The following KIAA1549L variants were observed in gnomAD, a reference collection of about 807,000 sequenced individuals.
KIAA1549L encodes UPF0606 protein KIAA1549L.
Under a neutral mutation model 160.7 loss-of-function variants are expected in KIAA1549L, and 88 were observed. The ratio of observed to expected loss-of-function variants is 0.55; its 90% CI spans 0.46 to 0.65. KIAA1549L has a LOEUF of 0.65. Ranked by LOEUF, KIAA1549L falls within the 30% of genes least tolerant of loss-of-function variation. The pLI is 0.00. For missense variants in KIAA1549L, 2,258 were observed against 2,437.5 expected, an observed-to-expected ratio of 0.93 and a Z score of 1.55; for synonymous variants, 950 against 976.7, an observed-to-expected ratio of 0.97 and a Z score of 0.51.
Position 33,598,828 on chromosome 11 carries a change from C to T in KIAA1549L, c.4760C>T (p.Pro1587Leu). 1 of 1,613,856 alleles carries T rather than the reference C, an allele frequency of 6.2e-7. No homozygotes were observed. Among genetic ancestry groups the T allele is most frequent in the South Asian group, 1.1e-5 (1 of 91,074 alleles). ...KSTETRKSRS[P>L]SENGSVISNE... The stretch of plus-strand genomic sequence containing the variant: ...GCTATGGTTACCTCCAGCAGGTCGC[C>T]CAGTGAGAATGGCTCTGTCATCAGC... The change falls in exon 13 of 21, where the codon CCC becomes CTC. Residue 1587 changes from proline to leucine, a missense_variant. Physicochemically the swap from Pro to Leu is moderately conservative, Grantham distance 98. This residue lies in a region of KIAA1549L where 1,359 missense variants were observed against 1,546.6 expected (regional missense o/e 0.88). Transcript: ENST00000658780.
Position 33,542,417 on chromosome 11 carries a change from A to G in KIAA1549L, c.854A>G (p.Gln285Arg). The G allele has an allele frequency of 4.5e-6, 7 of 1,546,492 alleles. No individual in the cohort carries two copies. In the African/African-American group the frequency reaches 6.8e-5, roughly 15 times the overall value. Residue 285 changes from glutamine to arginine, a missense_variant, in exon 2 of 21, where the codon CAG becomes CGG. Physicochemically the swap from Gln to Arg is conservative, Grantham distance 43 (BLOSUM62 1). Coordinates refer to ENST00000658780, the MANE Select transcript of KIAA1549L (RefSeq NM_012194.3). ...GCTCCAGCCGACCCCTCTTTAGGTCAGAACATAGCTAATCCCTTAATCCCA... is the reference window on the plus strand; with the variant it reads ...GCTCCAGCCGACCCCTCTTTAGGTCGGAACATAGCTAATCCCTTAATCCCA... ...QTAPADPSLG[Q>R]NIANPLIPFS...
At chr11:33,505,008 C>T (rs188800767) in intron 1 of KIAA1549L, among the ~76,000 whole-genome samples, 7 of 152,322 alleles carry the variant, frequency 4.6e-5, no homozygotes, top group East Asian at 1.9e-4. Flanking sequence ...TCAAGCCATC[C>T]GCCTGCCTCA....
At chr11:33,648,939 G>C (rs1422652474) in intron 17 of KIAA1549L, among the ~76,000 whole-genome samples, 1 of 152,186 alleles carries the variant, frequency 6.6e-6, no homozygotes, top group African/African-American at 2.4e-5. Flanking sequence ...ACTGGACACA[G>C]CTAAGTGCTA....
intron 18 of KIAA1549L, among the ~76,000 whole-genome samples, chr11:33,657,060 T>G (rs1032021307): frequency 3.3e-5 from 5 of 152,072 alleles, no homozygotes; most frequent in Non-Finnish European, 7.4e-5. Flanking sequence ...CGAGCATAAC[T>G]CAGAAATTTT....
chr11:33,454,913 C>T (rs1159384969), intron 1 of KIAA1549L, among the ~76,000 whole-genome samples: 1 of 152,062 alleles, frequency 6.6e-6, no homozygotes, highest in South Asian at 2.1e-4. Flanking sequence ...CACGGTGAAA[C>T]CCCGTCTCTA....
intron 1 of KIAA1549L, among the ~76,000 whole-genome samples, chr11:33,392,126 G>C (rs969226007): frequency 6.6e-6 from 1 of 152,188 alleles, no homozygotes; most frequent in African/African-American, 2.4e-5. Flanking sequence ...CACATTGCTT[G>C]TAAGTAGTGG....
chr11:33,654,220 C>T (rs901192902), intron 17 of KIAA1549L, among the ~76,000 whole-genome samples: 5 of 152,238 alleles, frequency 3.3e-5, no homozygotes, highest in Admixed American at 3.3e-4. Context: ...GATCTGCCCG[C>T]CTCAGCCTCC....
intron 10 of KIAA1549L, among the ~76,000 whole-genome samples, chr11:33,577,367 A>G (rs1855485752): frequency 6.6e-6 from 1 of 152,182 alleles, no homozygotes; most frequent in Non-Finnish European, 1.5e-5. Flanking sequence ...AACAAAAGCT[A>G]GAAAGCTTGA....
chr11:33,541,267 G>T (rs1044262065), intron 1 of KIAA1549L, among the ~76,000 whole-genome samples: 1 of 152,140 alleles, frequency 6.6e-6, no homozygotes, highest in South Asian at 2.1e-4. Flanking sequence ...ATTTGACATG[G>T]CATGAATGAT....
intron 1 of KIAA1549L, among the ~76,000 whole-genome samples, chr11:33,447,223 A>C (rs1264073670): frequency 6.7e-6 from 1 of 149,352 alleles, no homozygotes; most frequent in Non-Finnish European, 1.5e-5. Context: ...AACATAGCAC[A>C]CCCTGAACGC....
intron 1 of KIAA1549L, among the ~76,000 whole-genome samples, chr11:33,511,029 C>A (rs1022277220): frequency 6.6e-6 from 1 of 152,220 alleles, no homozygotes; most frequent in African/African-American, 2.4e-5. Flanking sequence ...CTTCCTAGGC[C>A]TCAGAAGCTG....
At chr11:33,395,487 ATTTTCT>A (rs922889567) in intron 1 of KIAA1549L, among the ~76,000 whole-genome samples, 2 of 152,072 alleles carry the variant, frequency 1.3e-5, no homozygotes, top group African/African-American at 2.4e-5. Flanking sequence ...AAAATGTAAC[ATTTTCT>A]TTTTCATATT....
intron 1 of KIAA1549L, among the ~76,000 whole-genome samples, chr11:33,407,277 C>G (rs1013509042): frequency 4.6e-5 from 7 of 150,944 alleles, no homozygotes; most frequent in South Asian, 2.1e-4. Context: ...GTAGAGACGG[C>G]GTTTCACCGT....
chr11:33,452,308 A>C (rs886607015), intron 1 of KIAA1549L, among the ~76,000 whole-genome samples: 6 of 148,550 alleles, frequency 4.0e-5, no homozygotes, highest in Non-Finnish European at 8.8e-5. Context: ...AGTAATTGCC[A>C]TTAAAAGTAA....
chr11:33,431,702 G>A (rs796236302), intron 1 of KIAA1549L, among the ~76,000 whole-genome samples: 1 of 152,264 alleles, frequency 6.6e-6, no homozygotes, highest in African/African-American at 2.4e-5. Flanking sequence ...CCGCACCGGG[G>A]CTGCAGGTGG....
In KIAA1549L at chr11:33,402,388, C is replaced by T. The variant is rs568217256; in HGVS notation, c.238+25499C>T. Among the ~76,000 whole-genome samples, 3 of 152,332 alleles carry T rather than the reference C, an allele frequency of 2.0e-5. No individual in the cohort carries two copies. In the South Asian group the frequency reaches 6.2e-4, roughly 32 times the overall value. On this transcript the variant is annotated intron_variant, in intron 1 of 20. Coordinates refer to ENST00000658780, the MANE Select transcript of KIAA1549L (RefSeq NM_012194.3). ...GCTCCCTCCTCTTACAGCCTCTACTCAGGCCCCTGTGGTCTCTCATCTGGA... is the reference window on the plus strand; with the variant it reads ...GCTCCCTCCTCTTACAGCCTCTACTTAGGCCCCTGTGGTCTCTCATCTGGA...
chr11:33,540,286 A>G (rs1251180903), intron 1 of KIAA1549L, among the ~76,000 whole-genome samples: 3 of 152,256 alleles, frequency 2.0e-5, no homozygotes, highest in Non-Finnish European at 4.4e-5. Flanking sequence ...TTCTGAATCC[A>G]TAAGTTGGAC....
At chr11:33,604,260 G>A (rs896603192) in intron 13 of KIAA1549L, among the ~76,000 whole-genome samples, 7 of 152,214 alleles carry the variant, frequency 4.6e-5, no homozygotes, top group African/African-American at 1.4e-4. Context: ...TAGTCAAGAT[G>A]TTGGCCTGAG....
intron 13 of KIAA1549L, among the ~76,000 whole-genome samples, chr11:33,601,951 A>G (rs1850378349): frequency 6.6e-6 from 1 of 152,216 alleles, no homozygotes; most frequent in Admixed American, 6.5e-5. Context: ...TGAAAGCAAA[A>G]AGAGTTTGGT....
Sources: allele counts gnomAD v4.1 joint callset (sites outside exome capture counted in the v4.1 genomes callset), GRCh38; gene constraint gnomAD v4.1.1; regional missense constraint gnomAD v4.1.1; transcripts MANE v1.5; gene names NCBI Gene and HGNC (gene_info 2026-07-23, HGNC 2026-07-21).